RAPGEF5: variants seen among roughly 807,000 people sequenced by gnomAD.
The protein encoded by RAPGEF5 is M-Ras-regulated GEF.
RAPGEF5 carries 65 observed loss-of-function variants against 125.2 expected under a neutral mutation model. The observed-to-expected ratio is 0.52, with a 90% CI of 0.43 to 0.64. The LOEUF is 0.64. Among genes scored for constraint, RAPGEF5 ranks in the 30% least tolerant of loss-of-function variants. RAPGEF5 has a pLI of 0.00. For missense variants in RAPGEF5, 958 were observed against 1,048.1 expected (o/e 0.91, Z 1.19); for synonymous variants, 391 against 385.9 (o/e 1.01, Z -0.16).
intron 9 of RAPGEF5, among the ~76,000 whole-genome samples, chr7:22,202,550 A>T (rs1243443963): frequency 6.6e-6 from 1 of 152,214 alleles, no homozygotes; most frequent in African/African-American, 2.4e-5. Context: ...CCCCAACAAC[A>T]GTTCAATCAC....
intron 23 of RAPGEF5, among the ~76,000 whole-genome samples, chr7:22,135,789 TG>T (rs1291809962): frequency 6.6e-6 from 1 of 152,126 alleles, no homozygotes; most frequent in East Asian, 1.9e-4. Flanking sequence ...AAAACACAAA[TG>T]TTTCCAGTGC....
intron 23 of RAPGEF5, among the ~76,000 whole-genome samples, chr7:22,135,302 T>C (rs908428463): frequency 5.3e-5 from 8 of 152,204 alleles, no homozygotes; most frequent in African/African-American, 1.9e-4. Context: ...CCAAGGATAA[T>C]GCCCAAACCC....
chr7:22,195,509 A>G lies in RAPGEF5; in HGVS notation c.997-1476T>C, dbSNP rs555948638. 2.6e-5 allele frequency among the ~76,000 whole-genome samples: 4 copies of G among 152,348 alleles called. No individual in the cohort carries two copies. The East Asian group carries it at 5.8e-4, about 22-fold the overall frequency. On this transcript the variant is annotated intron_variant, in intron 9 of 25. Transcript: ENST00000665637. Reference sequence around the variant, plus strand: ...TAATTTCACTATGTAAAACCGATGTATTACATTTCAGCAAGGTCAGACGCG... The same window carrying G: ...TAATTTCACTATGTAAAACCGATGTGTTACATTTCAGCAAGGTCAGACGCG...
intron 1 of RAPGEF5, among the ~76,000 whole-genome samples, chr7:22,347,440 A>T (rs1468628448): frequency 6.6e-6 from 1 of 152,214 alleles, no homozygotes; most frequent in Non-Finnish European, 1.5e-5. Flanking sequence ...ATTCAAGGAC[A>T]CCAATAATTT....
rs751909483 is a variant in RAPGEF5, at chr7:22,167,156, GAA to G, written c.1205-10_1205-9del. 2 of 1,431,120 alleles carry G rather than the reference GAA, an allele frequency of 1.4e-6. No homozygotes were observed. The highest frequency in any genetic ancestry group is 1.9e-6 in the Non-Finnish European group (2 of 1,053,344). The allele number at this position is 1,431,120 out of a possible 1,614,324, so 88.7% of individuals were successfully genotyped here. A position where few individuals can be genotyped will look rare whatever the true frequency, so the allele number is the denominator to read the frequency against. ...AGTCATCCAGGAGGGTCTCTGCAAAGAAAAAAAAAACAAACACAAGGTAAGCA... is the reference window on the plus strand; with the variant it reads ...AGTCATCCAGGAGGGTCTCTGCAAAGAAAAAAAACAAACACAAGGTAAGCA... On this transcript the variant is annotated splice_polypyrimidine_tract_variant and intron_variant, in intron 11 of 25. Coordinates refer to ENST00000665637, the MANE Select transcript of RAPGEF5 (RefSeq NM_012294.5).
intron 8 of RAPGEF5, among the ~76,000 whole-genome samples, chr7:22,226,160 G>A (rs568297599): frequency 6.6e-6 from 1 of 152,244 alleles, no homozygotes; most frequent in Non-Finnish European, 1.5e-5. Flanking sequence ...ATCAAGGTCA[G>A]GGAAACCAGA....
At chr7:22,282,283 A>T (rs1782691516) in intron 6 of RAPGEF5, among the ~76,000 whole-genome samples, 1 of 152,176 alleles carries the variant, frequency 6.6e-6, no homozygotes, top group Non-Finnish European at 1.5e-5. Flanking sequence ...GAATTCACAC[A>T]ATGGAATCAC....
chr7:22,160,949 C>T (rs570162515), intron 13 of RAPGEF5, among the ~76,000 whole-genome samples: 8 of 152,158 alleles, frequency 5.3e-5, no homozygotes, highest in Non-Finnish European at 1.0e-4. Flanking sequence ...GTAATTCCAA[C>T]ACTTTGGGAG....
chr7:22,267,367 A>C lies in RAPGEF5; in HGVS notation c.748-355T>G, dbSNP rs114392197. Among the ~76,000 whole-genome samples, 886 of 152,320 alleles carry C rather than the reference A, an allele frequency of 5.8e-3. 7 individuals carry two copies. Among genetic ancestry groups the C allele is most frequent in the African/African-American group, 0.02 (850 of 41,580 alleles). ...TTATTAAAATATACATGATACCATA[A>C]TAAAGATTAAATATTACTTATCCCT... On this transcript the variant is annotated intron_variant, in intron 6 of 25. Transcript: ENST00000665637.
intron 7 of RAPGEF5, among the ~76,000 whole-genome samples, chr7:22,260,759 A>C (rs565751373): frequency 7.9e-5 from 12 of 152,294 alleles, no homozygotes; most frequent in African/African-American, 2.6e-4. Flanking sequence ...GAACTTGACA[A>C]ATTAAAACTT....
At chr7:22,197,702 A>G (rs1394830261) in intron 9 of RAPGEF5, among the ~76,000 whole-genome samples, 2 of 152,102 alleles carry the variant, frequency 1.3e-5, no homozygotes, top group African/African-American at 4.8e-5. Flanking sequence ...GCCTTGCCCA[A>G]GCTCACTCAT....
chr7:22,171,014 C>T (rs1485866101), intron 11 of RAPGEF5, among the ~76,000 whole-genome samples: 3 of 150,848 alleles, frequency 2.0e-5, no homozygotes, highest in Non-Finnish European at 4.4e-5. Flanking sequence ...TATTCTTTTC[C>T]AGCATTCATG....
intron 7 of RAPGEF5, among the ~76,000 whole-genome samples, chr7:22,263,460 T>G (rs1782205865): frequency 6.6e-6 from 1 of 152,294 alleles, no homozygotes; most frequent in Admixed American, 6.5e-5. Context: ...CTGGGTGTGG[T>G]GGCTTACGCC....
intron 9 of RAPGEF5, chr7:22,194,692 C>T (rs527312405): frequency 1.6e-4 from 154 of 985,202 alleles, no homozygotes; most frequent in Non-Finnish European, 1.8e-4. Flanking sequence ...GGCTGAAATT[C>T]GGATGCCATG....
chr7:22,295,496 A>T lies in RAPGEF5; in HGVS notation c.681-4255T>A, dbSNP rs184528179. ...TGTCCAATTTTTGCAAAATTCCTGT[A>T]CTACTCTTAAACATAAGTGTACTCT... On this transcript the variant is annotated intron_variant, in intron 5 of 25. Coordinates refer to ENST00000665637, the MANE Select transcript of RAPGEF5 (RefSeq NM_012294.5). Among the ~76,000 whole-genome samples the T allele has an allele frequency of 5.0e-3, 755 of 152,280 alleles. 33 individuals carry two copies. The highest frequency in any genetic ancestry group is 0.045 in the Admixed American group (689 of 15,290).
In RAPGEF5 at chr7:22,217,370, G is replaced by A. The variant is rs1271732686; in HGVS notation, c.996+2496C>T. On this transcript the variant is annotated intron_variant, in intron 9 of 25. Transcript: ENST00000665637. ...AGATGACTGCTACTGTAAAGAAAGT[G>A]AGGACAGGAAAAACGAAAACACTGC... is the stretch of plus-strand genomic sequence containing the variant. 3.3e-5 allele frequency among the ~76,000 whole-genome samples: 5 copies of A among 152,192 alleles called. No individual in the cohort carries two copies. In the East Asian group the frequency reaches 7.7e-4, roughly 23 times the overall value.
At chr7:22,343,411 T>G (rs1050733552) in intron 1 of RAPGEF5, among the ~76,000 whole-genome samples, 1 of 152,180 alleles carries the variant, frequency 6.6e-6, no homozygotes, top group African/African-American at 2.4e-5. Flanking sequence ...TTCTTATACC[T>G]AAAGAATTGT....
intron 5 of RAPGEF5, among the ~76,000 whole-genome samples, chr7:22,292,482 T>C (rs769725937): frequency 6.6e-5 from 10 of 152,206 alleles, no homozygotes; most frequent in Non-Finnish European, 8.8e-5. Flanking sequence ...TTGCTAACAA[T>C]CTGCCCAATA....
intron 3 of RAPGEF5, among the ~76,000 whole-genome samples, chr7:22,312,332 C>A (rs148432078): frequency 1.3e-5 from 2 of 152,252 alleles, no homozygotes; most frequent in African/African-American, 2.4e-5. Context: ...CCTCAGCCCC[C>A]CAAGTAGCTA....
Sources: gnomAD v4.1 joint callset for allele counts (sites outside exome capture counted in the v4.1 genomes callset) on GRCh38, gnomAD v4.1.1 for gene constraint, MANE v1.5 for transcripts, NCBI Gene and HGNC (gene_info 2026-07-23, HGNC 2026-07-21) for gene names.